The following RYR3 variants were observed in gnomAD, a reference collection of about 807,000 sequenced individuals.
RYR3 encodes brain ryanodine receptor-calcium release channel.
RYR3 carries 207 observed loss-of-function variants against 584.3 expected under a neutral mutation model. That is an observed-to-expected ratio of 0.35 (90% CI 0.32 to 0.40). The LOEUF is 0.40. Ranked by LOEUF, RYR3 falls within the 10% of genes least tolerant of loss-of-function variation. The pLI is 1.00. For missense variants in RYR3, 5,616 were observed against 6,089.2 expected (o/e 0.92, Z 2.59); for synonymous variants, 2,416 against 2,248.5 (o/e 1.07, Z -2.11).
chr15:33,554,716 A>G (rs1305344981), intron 10 of RYR3, among the ~76,000 whole-genome samples: 2 of 152,186 alleles, frequency 1.3e-5, no homozygotes, highest in East Asian at 1.9e-4. Context: ...TCTAAGTCAA[A>G]TTTCTATGAA....
intron 1 of RYR3, among the ~76,000 whole-genome samples, chr15:33,403,822 C>A (rs2042841600): frequency 6.6e-6 from 1 of 152,128 alleles, no homozygotes; most frequent in African/African-American, 2.4e-5. Flanking sequence ...CCTCCAGTGC[C>A]TTTGAAATAT....
intron 53 of RYR3, among the ~76,000 whole-genome samples, chr15:33,747,419 C>CT (rs397854038): frequency 0.014 from 985 of 71,928 alleles, 1 homozygote; most frequent in Non-Finnish European, 0.016. Flanking sequence ...TGTTGTCACC[C>CT]TTTTTTTTTT....
chr15:33,739,109 C>T (rs546671947), intron 50 of RYR3, among the ~76,000 whole-genome samples: 12 of 152,310 alleles, frequency 7.9e-5, no homozygotes, highest in African/African-American at 2.2e-4. Context: ...CTTACTTGAA[C>T]GGTGTGATTG....
At chr15:33,631,085 A>G (rs1359037555) in intron 22 of RYR3, 125 bp from the exon 23 acceptor site, 3 of 596,702 alleles carry the variant, frequency 5.0e-6, no homozygotes, top group Non-Finnish European at 8.9e-6. Context: ...CCTTACAGAA[A>G]AAGTCTACTG....
intron 1 of RYR3, among the ~76,000 whole-genome samples, chr15:33,391,459 C>T (rs1440613254): frequency 1.3e-5 from 2 of 151,846 alleles, no homozygotes; most frequent in African/African-American, 4.8e-5. Context: ...AACCCCATCT[C>T]TACTAAAATA....
chr15:33,753,144 C>T (rs117390738), intron 57 of RYR3, among the ~76,000 whole-genome samples: 3 of 152,136 alleles, frequency 2.0e-5, no homozygotes, highest in African/African-American at 7.2e-5. Flanking sequence ...TCAAAAATTA[C>T]GTATTTGGAA....
At chr15:33,738,021 A>T (rs1314155225) in intron 49 of RYR3, among the ~76,000 whole-genome samples, 1 of 152,144 alleles carries the variant, frequency 6.6e-6, no homozygotes, top group Non-Finnish European at 1.5e-5. Flanking sequence ...CACGACTTGC[A>T]GCCCACCATC....
At chr15:33,841,009 G>C in intron 90 of RYR3, 126 bp downstream of exon 90, 1 of 820,230 alleles carries the variant, frequency 1.2e-6, no homozygotes. Context: ...CTTGAACCCA[G>C]GACTTCGAGA....
At chr15:33,836,247 C>G (rs1439549281) in intron 87 of RYR3, among the ~76,000 whole-genome samples, 1 of 144,860 alleles carries the variant, frequency 6.9e-6, no homozygotes, top group Non-Finnish European at 1.5e-5. Flanking sequence ...CCTTTTTAAT[C>G]AAATCCCCAG....
At chr15:33,833,496 T>C (rs1387034532) in intron 86 of RYR3, among the ~76,000 whole-genome samples, 1 of 152,218 alleles carries the variant, frequency 6.6e-6, no homozygotes, top group East Asian at 1.9e-4. Context: ...TCAAGCGTTA[T>C]AAGGACATGA....
At chr15:33,484,130 AATGAGT>A (rs1486924487) in intron 2 of RYR3, among the ~76,000 whole-genome samples, 1 of 152,116 alleles carries the variant, frequency 6.6e-6, no homozygotes, top group African/African-American at 2.4e-5. Flanking sequence ...GAACCTCATC[AATGAGT>A]ATTCATTGCT....
At chr15:33,596,681 A>G (rs997490796) in intron 16 of RYR3, among the ~76,000 whole-genome samples, 4 of 152,150 alleles carry the variant, frequency 2.6e-5, no homozygotes, top group African/African-American at 7.2e-5. Context: ...AATAGTCAAT[A>G]TCCTCCTATT....
intron 8 of RYR3, among the ~76,000 whole-genome samples, chr15:33,545,402 C>T (rs1233792186): frequency 6.6e-6 from 1 of 152,042 alleles, no homozygotes; most frequent in Non-Finnish European, 1.5e-5. Flanking sequence ...TCACAATAGG[C>T]ACACTGGAGC....
intron 38 of RYR3, among the ~76,000 whole-genome samples, chr15:33,692,341 G>A (rs1424703037): frequency 2.0e-5 from 3 of 152,132 alleles, no homozygotes; most frequent in South Asian, 4.1e-4. Context: ...TTGTGCCTGG[G>A]TTTGCTTGGT....
chr15:33,770,543 G>C (rs1485309885), intron 62 of RYR3, among the ~76,000 whole-genome samples: 1 of 152,056 alleles, frequency 6.6e-6, no homozygotes, highest in Non-Finnish European at 1.5e-5. Flanking sequence ...CTTGAGGCCA[G>C]GAGTTCAAGA....
chr15:33,827,342 AAC>A (rs1333057779), intron 85 of RYR3, 55 bp downstream of exon 85: 9 of 1,484,144 alleles, frequency 6.1e-6, no homozygotes, highest in Non-Finnish European at 8.3e-6. Flanking sequence ...CCAGAAGATA[AAC>A]ACAGTTACAC....
chr15:33,688,217 GA>G (rs34052561), intron 38 of RYR3, among the ~76,000 whole-genome samples: 149,370 of 152,028 alleles, frequency 0.98, 73,435 homozygotes, highest in Middle Eastern at 1. Flanking sequence ...AGATTTACAA[GA>G]AAAAAAACAA....
At chr15:33,676,960 A>G (rs1209807640) in intron 38 of RYR3, among the ~76,000 whole-genome samples, 1 of 152,184 alleles carries the variant, frequency 6.6e-6, no homozygotes, top group Non-Finnish European at 1.5e-5. Context: ...TCGAACACTT[A>G]ATTGAGTACC....
intron 64 of RYR3, among the ~76,000 whole-genome samples, chr15:33,779,560 G>A (rs1306447652): frequency 1.3e-5 from 2 of 152,170 alleles, no homozygotes; most frequent in East Asian, 1.9e-4. Flanking sequence ...TAGCAGAGAA[G>A]AGACACAGAG....
Sources: allele counts gnomAD v4.1 joint callset (sites outside exome capture counted in the v4.1 genomes callset), GRCh38; gene constraint gnomAD v4.1.1; transcripts MANE v1.5; gene names NCBI Gene and HGNC (gene_info 2026-07-23, HGNC 2026-07-21).